The following NF1 variants were observed in gnomAD, a reference collection of about 807,000 sequenced individuals.
NF1 encodes the protein neurofibromin 1.
A neutral mutation model predicts 325.7 loss-of-function variants in NF1; 122 were observed. The observed-to-expected ratio is 0.37, with a 90% confidence interval of 0.32 to 0.44. The LOEUF (loss-of-function observed/expected upper bound fraction) is 0.44, where lower values mean the gene tolerates loss of function less well. Among genes scored for constraint, NF1 ranks in the 20% least tolerant of loss-of-function variants. The pLI is 1.00. For synonymous variants in NF1, 1,091 were observed against 1,186.0 expected, an observed-to-expected ratio of 0.92 and a Z score of 1.65; for missense variants, 2,140 against 3,415.4, an observed-to-expected ratio of 0.63 and a Z score of 9.31.
intron 1 of NF1, among the ~76,000 whole-genome samples, chr17:31,141,669 CCA>C (rs1182136709): frequency 1.3e-5 from 2 of 152,068 alleles, no homozygotes; most frequent in African/African-American, 4.8e-5. Context: ...ATTTATTATC[CCA>C]CAGTTTCTAT....
rs1372756612 is a variant in NF1, at chr17:31,153,018, T to TAA, written c.61-2956_61-2955dup. Among the ~76,000 whole-genome samples the TAA allele has an allele frequency of 9.4e-5, 14 of 148,976 alleles. 2 individuals carry two copies. Among genetic ancestry groups the TAA allele is most frequent in the African/African-American group, 3.4e-4 (14 of 40,834 alleles). On this transcript the variant is annotated intron_variant, in intron 1 of 57. Transcript: ENST00000358273. ...TTATTCTTTTTTTACTTTCATGAAA[T>TAA]AAAAAAAAAATGGTCTCATTCTTTC...
intron 1 of NF1, among the ~76,000 whole-genome samples, chr17:31,116,354 G>A (rs1913910366): frequency 6.6e-6 from 1 of 152,076 alleles, no homozygotes; most frequent in African/African-American, 2.4e-5. Context: ...AATTGCCAGG[G>A]TTAGCAATTT....
At position 31,234,726 on chromosome 17, in the gene NF1, G is replaced by A. The variant is rs17886896; in HGVS notation, c.3709-885G>A. On this transcript the variant is annotated intron_variant, in intron 27 of 57. Coordinates refer to ENST00000358273, the MANE Select transcript of NF1 (RefSeq NM_001042492.3). ...CATTTAGTTCAAGTAGCTTTAATTC[G>A]TTGAGTTTTATATTAAATGACTTTG... is the stretch of plus-strand genomic sequence containing the variant. Among the ~76,000 whole-genome samples, 1,382 of 147,024 alleles carry A rather than the reference G, an allele frequency of 9.4e-3. 24 individuals carry two copies. Among genetic ancestry groups the A allele is most frequent in the African/African-American group, 0.033 (1,301 of 39,902 alleles).
chr17:31,345,677 G>A, intron 48 of NF1: 1 of 1,614,264 alleles, frequency 6.2e-7, no homozygotes, highest in South Asian at 1.1e-5. Context: ...TTGGTGAGAT[G>A]GCAAAGCAGT....
chr17:31,279,369 C>T (rs1265320132), intron 36 of NF1, among the ~76,000 whole-genome samples: 1 of 152,178 alleles, frequency 6.6e-6, no homozygotes, highest in Non-Finnish European at 1.5e-5. Context: ...TTCAGGTTTT[C>T]AGGATTAAAA....
At chr17:31,351,943 T>C (rs1011926726) in intron 50 of NF1, among the ~76,000 whole-genome samples, 1 of 152,066 alleles carries the variant, frequency 6.6e-6, no homozygotes, top group African/African-American at 2.4e-5. Context: ...CTAATTCCAG[T>C]GTGGCCCAGG....
intron 14 of NF1, among the ~76,000 whole-genome samples, chr17:31,221,440 TAAAAG>T: frequency 6.6e-6 from 1 of 152,236 alleles, no homozygotes; most frequent in South Asian, 2.1e-4. Flanking sequence ...AGTAAAAACT[TAAAAG>T]ATAAGTAAAT....
intron 31 of NF1, among the ~76,000 whole-genome samples, chr17:31,256,173 C>T (rs1336982769): frequency 6.6e-6 from 1 of 152,140 alleles, no homozygotes; most frequent in African/African-American, 2.4e-5. Context: ...GAGACAGTCT[C>T]TCTGTCACCC....
chr17:31,295,912 G>A (rs2068454745), intron 36 of NF1: 1 of 1,614,140 alleles, frequency 6.2e-7, no homozygotes, highest in East Asian at 2.2e-5. Context: ...TATTTTTAAT[G>A]AGGACAACCT....
At chr17:31,181,365 G>GTTGTAT in intron 5 of NF1, 57 bp from the exon 6 acceptor site, 7 of 1,466,124 alleles carry the variant, frequency 4.8e-6, no homozygotes, top group Non-Finnish European at 6.7e-6. Context: ...TTTGCTCTGA[G>GTTGTAT]TTGTATTTGT....
At chr17:31,372,248 G>T (rs2070656381) in intron 57 of NF1, among the ~76,000 whole-genome samples, 1 of 152,038 alleles carries the variant, frequency 6.6e-6, no homozygotes, top group Non-Finnish European at 1.5e-5. Context: ...TGTTTACCCA[G>T]CCCTACGCCC....
chr17:31,140,349 A>G (rs751525206), intron 1 of NF1, among the ~76,000 whole-genome samples: 3 of 152,198 alleles, frequency 2.0e-5, no homozygotes, highest in East Asian at 1.9e-4. Context: ...GTGGGATTCA[A>G]TGAGGTGTAT....
At chr17:31,328,084 C>A (rs2069393431) in intron 38 of NF1, among the ~76,000 whole-genome samples, 2 of 152,102 alleles carry the variant, frequency 1.3e-5, no homozygotes, top group South Asian at 4.1e-4. Context: ...CACGACATAG[C>A]AGATTTTTTT....
At chr17:31,275,872 T>A (rs2067997771) in intron 36 of NF1, among the ~76,000 whole-genome samples, 1 of 152,122 alleles carries the variant, frequency 6.6e-6, no homozygotes, top group South Asian at 2.1e-4. Flanking sequence ...TTCTATTCCC[T>A]CTAGCTTCTA....
In NF1 at chr17:31,376,486, C is replaced by G; in HGVS notation, c.*2331C>G. 4.3e-6 allele frequency: 1 copy of G among 232,676 alleles called. No homozygotes were observed. Among genetic ancestry groups the G allele is most frequent in the Admixed American group, 5.6e-5 (1 of 17,780 alleles). 14.4% of individuals were successfully genotyped at this position (232,676 alleles called of 1,614,324 possible). The stretch of plus-strand genomic sequence containing the variant: ...ACATCCTAGGAGTTTGAAAACTTAA[C>G]TAAGGTTTAAAATTTACCTTGTTTA... On this transcript the variant is annotated 3_prime_UTR_variant, in exon 58 of 58. Coordinates refer to ENST00000358273, the MANE Select transcript of NF1 (RefSeq NM_001042492.3).
chr17:31,132,601 G>T (rs922435820), intron 1 of NF1, among the ~76,000 whole-genome samples: 1 of 152,040 alleles, frequency 6.6e-6, no homozygotes, highest in Non-Finnish European at 1.5e-5. Context: ...TGTTAATTTT[G>T]TTGTTACATT....
intron 8 of NF1, among the ~76,000 whole-genome samples, chr17:31,184,662 A>AT (rs1253614040): frequency 1.1e-4 from 16 of 146,852 alleles, no homozygotes; most frequent in South Asian, 2.1e-4. Context: ...AAAAAAAATA[A>AT]AAAAAAAAAA....
chr17:31,145,541 A>G (rs186448073), intron 1 of NF1, among the ~76,000 whole-genome samples: 9 of 152,166 alleles, frequency 5.9e-5, no homozygotes, highest in Admixed American at 6.5e-5. Flanking sequence ...CAAATGTCAC[A>G]TCTTCAGAGA....
intron 29 of NF1, among the ~76,000 whole-genome samples, chr17:31,240,223 C>T (rs1245028351): frequency 2.0e-5 from 3 of 152,130 alleles, no homozygotes; most frequent in African/African-American, 7.2e-5. Flanking sequence ...TCCCCTTCCC[C>T]ACCCCCCACT....
Sources: allele counts gnomAD v4.1 joint callset (sites outside exome capture counted in the v4.1 genomes callset), GRCh38; gene constraint gnomAD v4.1.1; transcripts MANE v1.5; gene names NCBI Gene and HGNC (gene_info 2026-07-23, HGNC 2026-07-21).